HSD17B12: variants seen among roughly 807,000 people sequenced by gnomAD.
HSD17B12 encodes the protein very-long-chain 3-oxoacyl-CoA reductase.
Under a neutral mutation model 39.3 loss-of-function variants are expected in HSD17B12, and 32 were observed. The ratio of observed to expected loss-of-function variants is 0.81; its 90% CI spans 0.61 to 1.09. The LOEUF is 1.09. Ranked by LOEUF, HSD17B12 falls within the 50% of genes least tolerant of loss-of-function variation. The pLI, the probability that HSD17B12 is intolerant of heterozygous loss-of-function variation, is 0.00. For missense variants in HSD17B12, 342 were observed against 382.9 expected (o/e 0.89, Z 0.89); for synonymous variants, 150 against 146.7 (o/e 1.02, Z -0.16).
chr11:43,813,814 G>A (rs1388332836), intron 4 of HSD17B12, among the ~76,000 whole-genome samples: 1 of 152,156 alleles, frequency 6.6e-6, no homozygotes, highest in Non-Finnish European at 1.5e-5. Context: ...CTATTCAGAT[G>A]AGTATGAATC....
the HSD17B12 span, among the ~76,000 whole-genome samples, chr11:43,641,192 A>G: frequency 6.7e-6 from 1 of 149,420 alleles, no homozygotes; most frequent in Non-Finnish European, 1.5e-5. Context: ...AAGCAAAAGT[A>G]GTTAGAAATT....
intron 4 of HSD17B12, among the ~76,000 whole-genome samples, chr11:43,814,229 G>A (rs1383438253): frequency 6.6e-6 from 1 of 151,862 alleles, no homozygotes; most frequent in Non-Finnish European, 1.5e-5. Flanking sequence ...GTGGTTAAAA[G>A]CCTAGTCTCT....
chr11:43,707,616 A>G (rs1396526977), intron 1 of HSD17B12, among the ~76,000 whole-genome samples: 1 of 152,248 alleles, frequency 6.6e-6, no homozygotes, highest in Non-Finnish European at 1.5e-5. Context: ...CTCTTCTATT[A>G]GAAGTGCAGA....
At chr11:43,809,518 T>G (rs1951049945) in intron 4 of HSD17B12, among the ~76,000 whole-genome samples, 1 of 152,178 alleles carries the variant, frequency 6.6e-6, no homozygotes, top group Non-Finnish European at 1.5e-5. Flanking sequence ...AGCAGCATTT[T>G]TTAAAATCTC....
chr11:43,826,096 T>C (rs1387959177), intron 6 of HSD17B12, among the ~76,000 whole-genome samples: 2 of 150,716 alleles, frequency 1.3e-5, no homozygotes, highest in African/African-American at 2.4e-5. Context: ...TTTTTTTTTT[T>C]TTTTGAGACG....
chr11:43,774,276 C>G (rs1299785749), intron 3 of HSD17B12, among the ~76,000 whole-genome samples: 1 of 151,496 alleles, frequency 6.6e-6, no homozygotes, highest in African/African-American at 2.4e-5. Context: ...TGCAGTGGCA[C>G]AATCTCGGTT....
chr11:43,819,919 A>T (rs192819349), intron 6 of HSD17B12, among the ~76,000 whole-genome samples: 1 of 152,324 alleles, frequency 6.6e-6, no homozygotes, highest in Admixed American at 6.5e-5. Context: ...TACCTTTGTG[A>T]TGTGTACTTC....
intron 3 of HSD17B12, among the ~76,000 whole-genome samples, chr11:43,781,983 A>G (rs1950770118): frequency 1.3e-5 from 2 of 152,246 alleles, no homozygotes; most frequent in South Asian, 4.1e-4. Context: ...TTTAATAACA[A>G]ATTCCAATTA....
At chr11:43,603,726 G>T in the HSD17B12 span, among the ~76,000 whole-genome samples, 6 of 152,158 alleles carry the variant, frequency 3.9e-5, no homozygotes, top group African/African-American at 1.4e-4. Context: ...TGAGGTTTTG[G>T]TTCTTGGATC....
chr11:43,585,249 C>T, the HSD17B12 span, among the ~76,000 whole-genome samples: 2 of 152,192 alleles, frequency 1.3e-5, no homozygotes, highest in Non-Finnish European at 2.9e-5. Context: ...AAATCTCTTG[C>T]TATAGAGCTT....
At chr11:43,729,052 A>G (rs959322183) in intron 1 of HSD17B12, among the ~76,000 whole-genome samples, 39 of 152,170 alleles carry the variant, frequency 2.6e-4, no homozygotes, top group African/African-American at 8.9e-4. Flanking sequence ...TATGGTTTCA[A>G]TGTTGGTATT....
chr11:43,557,751 AG>A, the HSD17B12 span, among the ~76,000 whole-genome samples: 1 of 152,194 alleles, frequency 6.6e-6, no homozygotes, highest in African/African-American at 2.4e-5. Flanking sequence ...TGCAGGGTGA[AG>A]GGTTAAAACT....
intron 1 of HSD17B12, among the ~76,000 whole-genome samples, chr11:43,737,718 T>C (rs1950329056): frequency 1.3e-5 from 2 of 152,166 alleles, no homozygotes; most frequent in Non-Finnish European, 2.9e-5. Context: ...ACGTATTTCA[T>C]AGCAAAGTGG....
At chr11:43,574,251 C>T in the HSD17B12 span, among the ~76,000 whole-genome samples, 1 of 152,174 alleles carries the variant, frequency 6.6e-6, no homozygotes. Context: ...ACAGCTGAGG[C>T]CCATGATCAT....
chr11:43,752,392 G>T (rs1296703261), intron 2 of HSD17B12, among the ~76,000 whole-genome samples: 1 of 152,052 alleles, frequency 6.6e-6, no homozygotes, highest in African/African-American at 2.4e-5. Flanking sequence ...TTTTTGCCTA[G>T]ATTGGTTATT....
chr11:43,719,227 G>A, intron 1 of HSD17B12: 1 of 628,030 alleles, frequency 1.6e-6, no homozygotes, highest in East Asian at 3.0e-5. Flanking sequence ...GGTTGGGCTG[G>A]GAGGCCATAT....
At chr11:43,828,481 T>G (rs1951273388) in intron 6 of HSD17B12, among the ~76,000 whole-genome samples, 3 of 152,060 alleles carry the variant, frequency 2.0e-5, no homozygotes, top group Non-Finnish European at 2.9e-5. Context: ...AATTGTTCGC[T>G]ATACACTTTT....
chr11:43,606,706 C>T, the HSD17B12 span, among the ~76,000 whole-genome samples: 2 of 152,170 alleles, frequency 1.3e-5, no homozygotes, highest in Non-Finnish European at 2.9e-5. Context: ...GGAGAAGTTT[C>T]CCATATCCCC....
At chr11:43,725,668 G>C (rs957116666) in intron 1 of HSD17B12, among the ~76,000 whole-genome samples, 5 of 152,122 alleles carry the variant, frequency 3.3e-5, no homozygotes, top group African/African-American at 1.2e-4. Context: ...TCCTCATGAA[G>C]CTTACATTCT....
Sources: allele counts gnomAD v4.1 joint callset (sites outside exome capture counted in the v4.1 genomes callset), GRCh38; gene constraint gnomAD v4.1.1; transcripts MANE v1.5; gene names NCBI Gene and HGNC (gene_info 2026-07-23, HGNC 2026-07-21).